MYRIP: variants seen among roughly 807,000 people sequenced by gnomAD.
MYRIP encodes myosin VIIA and Rab interacting protein, also known as rab effector MyRIP.
In MYRIP, 49 loss-of-function variants were observed where a neutral mutation model predicts 98.0. That is an observed-to-expected ratio of 0.50 (90% confidence interval 0.40 to 0.63). MYRIP has a LOEUF of 0.63. Ranked by LOEUF, MYRIP falls within the 30% of genes least tolerant of loss-of-function variation. The pLI is 0.00. For missense variants in MYRIP, 1,004 were observed against 1,058.2 expected (o/e 0.95, Z 0.71); for synonymous variants, 404 against 409.5 (o/e 0.99, Z 0.16).
At chr3:39,836,450 T>C (rs1053151983) in intron 1 of MYRIP, among the ~76,000 whole-genome samples, 10 of 152,208 alleles carry the variant, frequency 6.6e-5, no homozygotes, top group Admixed American at 6.5e-4. Flanking sequence ...GTTTGTTATT[T>C]CTTGTAAATT....
chr3:40,142,000 T>C (rs554435028), intron 3 of MYRIP, among the ~76,000 whole-genome samples: 20 of 151,958 alleles, frequency 1.3e-4, no homozygotes, highest in African/African-American at 4.6e-4. Flanking sequence ...GATATTTTGA[T>C]AGGGATTGCA....
At chr3:39,826,127 A>T (rs1941256500) in intron 1 of MYRIP, among the ~76,000 whole-genome samples, 1 of 151,420 alleles carries the variant, frequency 6.6e-6, no homozygotes, top group Non-Finnish European at 1.5e-5. Context: ...TAAAAAAACA[A>T]TTTTTTGTTA....
Position 39,887,297 on chromosome 3 carries a change from AAC to A in MYRIP, c.-30-13486_-30-13485del, listed in dbSNP as rs1340639158. Among the ~76,000 whole-genome samples the A allele has an allele frequency of 2.0e-5, 3 of 151,842 alleles. No individual in the cohort carries two copies. The East Asian group carries it at 5.8e-4, about 29-fold the overall frequency. On this transcript the variant is annotated intron_variant, in intron 1 of 16. Transcript: ENST00000302541. The stretch of plus-strand genomic sequence containing the variant: ...TAAAAGAACTAGAAAAGCAAGAGCA[AAC>A]ACATTCAAAAGCTAGCAGAAGGCAA...
chr3:40,032,268 G>T (rs1361631629), intron 2 of MYRIP, among the ~76,000 whole-genome samples: 1 of 152,038 alleles, frequency 6.6e-6, no homozygotes, highest in African/African-American at 2.4e-5. Context: ...TTCAGGAGCA[G>T]GTTGTTCAGT....
intron 3 of MYRIP, among the ~76,000 whole-genome samples, chr3:40,138,370 T>A (rs1387023038): frequency 6.6e-6 from 1 of 152,174 alleles, no homozygotes; most frequent in East Asian, 1.9e-4. Flanking sequence ...TCCCATTTTG[T>A]GGATGAGAAA....
At chr3:39,879,643 C>A (rs192120290) in intron 1 of MYRIP, among the ~76,000 whole-genome samples, 1 of 152,246 alleles carries the variant, frequency 6.6e-6, no homozygotes, top group African/African-American at 2.4e-5. Flanking sequence ...AAATGTGGTT[C>A]TTCTCTGGTT....
At chr3:40,078,674 G>A (rs1467721178) in intron 3 of MYRIP, among the ~76,000 whole-genome samples, 1 of 152,178 alleles carries the variant, frequency 6.6e-6, no homozygotes. Flanking sequence ...TCAACTGCTG[G>A]TAAGAGAGAC....
intron 3 of MYRIP, among the ~76,000 whole-genome samples, chr3:40,056,031 A>T (rs1194068721): frequency 6.6e-6 from 1 of 152,250 alleles, no homozygotes; most frequent in Non-Finnish European, 1.5e-5. Context: ...TTTGATGTTA[A>T]CATCTAATTC....
intron 1 of MYRIP, among the ~76,000 whole-genome samples, chr3:39,832,093 C>T (rs1428864415): frequency 6.6e-6 from 1 of 152,232 alleles, no homozygotes; most frequent in Non-Finnish European, 1.5e-5. Flanking sequence ...CTTCTGCACT[C>T]TTCTTCCTCT....
chr3:39,957,921 C>T (rs1377334551), intron 2 of MYRIP, among the ~76,000 whole-genome samples: 2 of 152,144 alleles, frequency 1.3e-5, no homozygotes, highest in Non-Finnish European at 2.9e-5. Context: ...AGTGAACTCC[C>T]ATTCACAATT....
At chr3:40,032,199 C>T (rs4525801) in intron 2 of MYRIP, among the ~76,000 whole-genome samples, 75,227 of 151,722 alleles carry the variant, frequency 0.5, 20,340 homozygotes, top group East Asian at 0.67. Flanking sequence ...TCTTTGTTCT[C>T]GTTGGTTTCA....
chr3:39,969,469 G>C (rs1430014043), intron 2 of MYRIP, among the ~76,000 whole-genome samples: 1 of 151,512 alleles, frequency 6.6e-6, no homozygotes. Context: ...TGTCATAGAT[G>C]GTTCTTACTG....
At chr3:40,220,226 T>C (rs1396265914) in intron 11 of MYRIP, among the ~76,000 whole-genome samples, 8 of 152,166 alleles carry the variant, frequency 5.3e-5, no homozygotes, top group African/African-American at 1.4e-4. Flanking sequence ...TTGTAGATTC[T>C]GGATATTAGC....
At chr3:39,854,001 G>A (rs1942214752) in intron 1 of MYRIP, among the ~76,000 whole-genome samples, 1 of 152,082 alleles carries the variant, frequency 6.6e-6, no homozygotes, top group African/African-American at 2.4e-5. Context: ...ACCATTTGTT[G>A]AATAGGGTGT....
At chr3:39,827,226 C>T (rs1941293982) in intron 1 of MYRIP, among the ~76,000 whole-genome samples, 1 of 152,190 alleles carries the variant, frequency 6.6e-6, no homozygotes, top group Non-Finnish European at 1.5e-5. Context: ...GATCCTCCCA[C>T]CTCAACCTCC....
At chr3:40,207,609 CACAA>C (rs1183772276) in intron 10 of MYRIP, among the ~76,000 whole-genome samples, 6 of 152,274 alleles carry the variant, frequency 3.9e-5, no homozygotes, top group South Asian at 4.1e-4. Context: ...AAAATTGATA[CACAA>C]ACAAAGTATG....
intron 2 of MYRIP, among the ~76,000 whole-genome samples, chr3:39,949,409 C>T (rs1461064482): frequency 6.6e-6 from 1 of 152,104 alleles, no homozygotes; most frequent in South Asian, 2.1e-4. Context: ...AAACATAATA[C>T]ACTCAATGTT....
intron 2 of MYRIP, among the ~76,000 whole-genome samples, chr3:40,015,272 G>A (rs866004971): frequency 2.6e-5 from 4 of 152,224 alleles, no homozygotes; most frequent in Middle Eastern, 3.2e-3. Context: ...GCTGCAAGGT[G>A]AGTGAGAGTT....
intron 3 of MYRIP, among the ~76,000 whole-genome samples, chr3:40,059,259 T>G (rs1242987738): frequency 1.3e-5 from 2 of 152,340 alleles, no homozygotes; most frequent in Middle Eastern, 3.4e-3. Context: ...GCATGTGTCT[T>G]TATAGTAGAA....
Sources: allele counts gnomAD v4.1 joint callset (sites outside exome capture counted in the v4.1 genomes callset), GRCh38; gene constraint gnomAD v4.1.1; transcripts MANE v1.5; gene names NCBI Gene and HGNC (gene_info 2026-07-23, HGNC 2026-07-21).